ADGRL3: variants seen among roughly 807,000 people sequenced by gnomAD.
The protein encoded by ADGRL3 is calcium-independent alpha-latrotoxin receptor 3.
ADGRL3 carries 62 observed loss-of-function variants against 153.5 expected under a neutral mutation model. That is an observed-to-expected ratio of 0.40 (90% CI 0.33 to 0.50). ADGRL3 has a LOEUF of 0.50. Among genes scored for constraint, ADGRL3 ranks in the 20% least tolerant of loss-of-function variants. The pLI is 0.47. For missense variants in ADGRL3, 1,641 were observed against 1,859.4 expected, an observed-to-expected ratio of 0.88 and a Z score of 2.16; for synonymous variants, 710 against 672.5, an observed-to-expected ratio of 1.06 and a Z score of -0.86.
intron 2 of ADGRL3, among the ~76,000 whole-genome samples, chr4:61,386,858 A>G (rs545058400): frequency 5.9e-5 from 9 of 152,172 alleles, no homozygotes; most frequent in Non-Finnish European, 1.3e-4. Flanking sequence ...TATATTTGCT[A>G]GATTGTATTT....
chr4:61,327,008 G>A (rs1276561062), intron 1 of ADGRL3, among the ~76,000 whole-genome samples: 1 of 151,882 alleles, frequency 6.6e-6, no homozygotes, highest in Non-Finnish European at 1.5e-5. Context: ...CTAGGTGCTT[G>A]TATAGTGTTA....
At chr4:61,299,259 T>C (rs143181679) in intron 1 of ADGRL3, among the ~76,000 whole-genome samples, 6 of 152,172 alleles carry the variant, frequency 3.9e-5, no homozygotes, top group African/African-American at 1.4e-4. Context: ...AGTACAAATA[T>C]TAATTTATAC....
chr4:61,748,068 A>T (rs891865588), intron 8 of ADGRL3, among the ~76,000 whole-genome samples: 21 of 151,462 alleles, frequency 1.4e-4, no homozygotes, highest in African/African-American at 4.4e-4. Context: ...CCAATAACAG[A>T]CAAACAGAGA....
At chr4:61,739,968 G>A (rs1328360648) in intron 8 of ADGRL3, among the ~76,000 whole-genome samples, 1 of 152,148 alleles carries the variant, frequency 6.6e-6, no homozygotes, top group Non-Finnish European at 1.5e-5. Context: ...TGAAGAAAAT[G>A]GAAAATATAT....
intron 2 of ADGRL3, among the ~76,000 whole-genome samples, chr4:61,395,730 A>G (rs1054048270): frequency 2.0e-5 from 3 of 152,000 alleles, no homozygotes; most frequent in Non-Finnish European, 4.4e-5. Context: ...ACCCATTTGA[A>G]AGAGACCAGA....
At chr4:61,385,224 G>A (rs2151940966) in intron 2 of ADGRL3, among the ~76,000 whole-genome samples, 1 of 152,170 alleles carries the variant, frequency 6.6e-6, no homozygotes, top group South Asian at 2.1e-4. Flanking sequence ...CATAAAGAAA[G>A]TAAATATGAG....
At chr4:61,430,242 C>T (rs2097339201) in intron 2 of ADGRL3, among the ~76,000 whole-genome samples, 1 of 152,064 alleles carries the variant, frequency 6.6e-6, no homozygotes. Flanking sequence ...GGAAGAGAAT[C>T]AACCAACCTT....
At chr4:61,753,549 AG>A in intron 8 of ADGRL3, among the ~76,000 whole-genome samples, 1 of 152,302 alleles carries the variant, frequency 6.6e-6, no homozygotes, top group Non-Finnish European at 1.5e-5. Context: ...ACAACTTAAG[AG>A]GGTGAGAGAA....
chr4:61,965,369 A>C (rs2099002561), intron 17 of ADGRL3, among the ~76,000 whole-genome samples: 1 of 152,134 alleles, frequency 6.6e-6, no homozygotes, highest in Non-Finnish European at 1.5e-5. Context: ...ACTAGACTCT[A>C]CTGGAATTAG....
chr4:61,844,575 A>AAAAAAAAATATAT (rs1554045137), intron 9 of ADGRL3, among the ~76,000 whole-genome samples: 3 of 18,106 alleles, frequency 1.7e-4, no homozygotes, highest in African/African-American at 2.6e-4. Flanking sequence ...AAAAAAAAAA[A>AAAAAAAAATATAT]ATATATATAT....
rs1422148187 is a variant in ADGRL3, at chr4:61,252,122, A to G, written c.-240+50357A>G. 2.6e-5 allele frequency among the ~76,000 whole-genome samples: 4 copies of G among 152,124 alleles called. No individual in the cohort carries two copies. In the South Asian group the frequency reaches 8.3e-4, roughly 32 times the overall value. Reference sequence around the variant, plus strand: ...GGTCTTGAACTCCTGACCTCAGGTGATCCACCCACCTCAGCCTCCCAAAGT... The same window carrying G: ...GGTCTTGAACTCCTGACCTCAGGTGGTCCACCCACCTCAGCCTCCCAAAGT... On this transcript the variant is annotated intron_variant, in intron 1 of 26. Transcript: ENST00000683033.
intron 21 of ADGRL3, among the ~76,000 whole-genome samples, chr4:62,000,909 G>A (rs2151094499): frequency 6.6e-6 from 1 of 152,020 alleles, no homozygotes; most frequent in South Asian, 2.1e-4. Context: ...AGCATCCTTA[G>A]CAGCTGGAAC....
chr4:61,898,622 CTTTT>C (rs1346233783), intron 11 of ADGRL3, among the ~76,000 whole-genome samples: 1 of 142,382 alleles, frequency 7.0e-6, no homozygotes, highest in Admixed American at 7.1e-5. Flanking sequence ...TCACCCTAAT[CTTTT>C]TTTTTTTTTT....
intron 6 of ADGRL3, among the ~76,000 whole-genome samples, chr4:61,700,888 T>C (rs2095745572): frequency 6.6e-6 from 1 of 152,206 alleles, no homozygotes; most frequent in Non-Finnish European, 1.5e-5. Context: ...AGTAAATGTT[T>C]GAGGCATTTT....
chr4:61,917,144 CAAT>C (rs1259614326), intron 13 of ADGRL3, among the ~76,000 whole-genome samples: 1 of 152,044 alleles, frequency 6.6e-6, no homozygotes. Context: ...CAAGATCACA[CAAT>C]AATAATTGAA....
At chr4:61,679,261 C>T (rs2095282251) in intron 6 of ADGRL3, among the ~76,000 whole-genome samples, 1 of 151,976 alleles carries the variant, frequency 6.6e-6, no homozygotes, top group African/African-American at 2.4e-5. Context: ...ACGGGGAGGC[C>T]TTCAAGCCAT....
At chr4:61,462,900 G>A (rs1430406520) in intron 2 of ADGRL3, among the ~76,000 whole-genome samples, 1 of 152,138 alleles carries the variant, frequency 6.6e-6, no homozygotes, top group African/African-American at 2.4e-5. Context: ...GATTAGTCAT[G>A]TTTGGGCCTA....
chr4:61,748,908 T>G (rs1310490052), intron 8 of ADGRL3, among the ~76,000 whole-genome samples: 7 of 151,046 alleles, frequency 4.6e-5, no homozygotes, highest in Admixed American at 2.6e-4. Flanking sequence ...GAAACTACCA[T>G]CAGAGTGAAC....
At chr4:61,389,029 A>G (rs1252801875) in intron 2 of ADGRL3, among the ~76,000 whole-genome samples, 1 of 152,158 alleles carries the variant, frequency 6.6e-6, no homozygotes, top group Non-Finnish European at 1.5e-5. Flanking sequence ...TCCTCTTTAT[A>G]GCATCCTTTT....
Sources: allele counts gnomAD v4.1 joint callset (sites outside exome capture counted in the v4.1 genomes callset), GRCh38; gene constraint gnomAD v4.1.1; transcripts MANE v1.5; gene names NCBI Gene and HGNC (gene_info 2026-07-23, HGNC 2026-07-21).